The following ARSB variants were observed in gnomAD, a reference collection of about 807,000 sequenced individuals.
The protein encoded by ARSB is N-acetylgalactosamine-4-sulfatase.
Under a neutral mutation model 50.9 loss-of-function variants are expected in ARSB, and 41 were observed. The observed-to-expected ratio is 0.81, with a 90% confidence interval of 0.63 to 1.04. The LOEUF (loss-of-function observed/expected upper bound fraction) is 1.04. Among genes scored for constraint, ARSB ranks in the 50% least tolerant of loss-of-function variants. The probability of loss-of-function intolerance (pLI) is 0.00; values close to 1 mark genes in which losing one functional copy is unlikely to be tolerated. For synonymous variants in ARSB, 269 were observed against 284.8 expected (o/e 0.94, Z 0.56); for missense variants, 672 against 693.3 (o/e 0.97, Z 0.35).
chr5:78,834,621 A>ATATATATG (rs1211135620), intron 6 of ARSB, among the ~76,000 whole-genome samples: 1 of 126,472 alleles, frequency 7.9e-6, no homozygotes, highest in Non-Finnish European at 1.6e-5. Flanking sequence ...ATATATATAT[A>ATATATATG]TATATATATA....
chr5:78,807,235 C>A (rs527723365), intron 6 of ARSB, among the ~76,000 whole-genome samples: 1 of 152,332 alleles, frequency 6.6e-6, no homozygotes, highest in Non-Finnish European at 1.5e-5. Context: ...TTGAGAGAGT[C>A]AATAATCCAG....
intron 1 of ARSB, among the ~76,000 whole-genome samples, chr5:78,983,400 T>C (rs1340275777): frequency 6.6e-6 from 1 of 152,204 alleles, no homozygotes; most frequent in South Asian, 2.1e-4. Context: ...TCCAACTCTG[T>C]TGGAAGGGAG....
intron 4 of ARSB, among the ~76,000 whole-genome samples, chr5:78,908,800 C>T (rs1201491263): frequency 1.3e-5 from 2 of 151,398 alleles, no homozygotes; most frequent in African/African-American, 2.4e-5. Flanking sequence ...CCAGCAAGGC[C>T]CACAGAGGAA....
At chr5:78,913,194 C>A (rs972855935) in intron 4 of ARSB, among the ~76,000 whole-genome samples, 13 of 151,804 alleles carry the variant, frequency 8.6e-5, no homozygotes, top group Admixed American at 5.3e-4. Flanking sequence ...GCGCGATCTC[C>A]GCTCACTGCA....
intron 5 of ARSB, among the ~76,000 whole-genome samples, chr5:78,861,337 G>C (rs1254423910): frequency 1.3e-5 from 2 of 152,120 alleles, no homozygotes; most frequent in Non-Finnish European, 2.9e-5. Context: ...CAATATCCCT[G>C]ATGAACATCG....
At chr5:78,977,402 C>T (rs1752715835) in intron 1 of ARSB, among the ~76,000 whole-genome samples, 1 of 152,176 alleles carries the variant, frequency 6.6e-6, no homozygotes, top group African/African-American at 2.4e-5. Flanking sequence ...GATCCGCCTG[C>T]CTCGGCCTCC....
At chr5:78,831,765 T>C (rs1468316655) in intron 6 of ARSB, among the ~76,000 whole-genome samples, 3 of 152,182 alleles carry the variant, frequency 2.0e-5, no homozygotes, top group Non-Finnish European at 4.4e-5. Context: ...TTCTATGCAA[T>C]GCTGAGCAAT....
chr5:78,831,926 C>T (rs1744712199), intron 6 of ARSB, among the ~76,000 whole-genome samples: 1 of 152,160 alleles, frequency 6.6e-6, no homozygotes, highest in Non-Finnish European at 1.5e-5. Context: ...TATGAAATTA[C>T]TATTGTTCTC....
intron 1 of ARSB, among the ~76,000 whole-genome samples, chr5:78,983,442 T>C (rs533255982): frequency 6.6e-6 from 1 of 152,330 alleles, no homozygotes; most frequent in Admixed American, 6.5e-5. Context: ...CCTTCCATTC[T>C]TTTGCAATCT....
intron 4 of ARSB, among the ~76,000 whole-genome samples, chr5:78,921,877 T>C (rs1013284816): frequency 6.6e-6 from 1 of 152,122 alleles, no homozygotes; most frequent in African/African-American, 2.4e-5. Context: ...AGCAGCTGCG[T>C]GGCACAGAGA....
chr5:78,965,960 G>A (rs1189096675), intron 2 of ARSB, among the ~76,000 whole-genome samples: 2 of 152,158 alleles, frequency 1.3e-5, no homozygotes, highest in Non-Finnish European at 2.9e-5. Context: ...GTTAATTAAT[G>A]TGTAACAGAG....
intron 5 of ARSB, among the ~76,000 whole-genome samples, chr5:78,846,869 C>T (rs1032504935): frequency 1.7e-4 from 26 of 152,020 alleles, no homozygotes; most frequent in Non-Finnish European, 3.1e-4. Context: ...CCATTCAGTG[C>T]GATGTTTGCT....
rs577980886 is a variant in ARSB, at chr5:78,815,668, G to A, written c.1213+23688C>T. On this transcript the variant is annotated intron_variant, in intron 6 of 7. Transcript: ENST00000264914. The stretch of plus-strand genomic sequence containing the variant: ...AGAAAAGTTCCAAACATTATTCACT[G>A]GGATGCTCAAAAGTAAGCTACATGT... The A allele has an allele frequency of 2.9e-5, 29 of 1,011,198 alleles. 1 individual carries two copies. Among genetic ancestry groups the A allele is most frequent in the Admixed American group, 5.2e-5 (1 of 19,234 alleles). The allele number at this position is 1,011,198 out of a possible 1,614,324, so 62.6% of individuals were successfully genotyped here.
intron 6 of ARSB, among the ~76,000 whole-genome samples, chr5:78,821,118 G>C (rs1013657551): frequency 1.3e-5 from 2 of 152,124 alleles, no homozygotes; most frequent in Non-Finnish European, 2.9e-5. Flanking sequence ...AAGGGTCATA[G>C]TGAACTTTGT....
intron 4 of ARSB, among the ~76,000 whole-genome samples, chr5:78,893,518 C>A (rs1299610646): frequency 6.6e-6 from 1 of 152,166 alleles, no homozygotes; most frequent in Non-Finnish European, 1.5e-5. Context: ...TCTCCTTTAA[C>A]ATTTATTAAG....
intron 5 of ARSB, among the ~76,000 whole-genome samples, chr5:78,864,975 G>A: frequency 6.6e-6 from 1 of 152,186 alleles, no homozygotes; most frequent in Middle Eastern, 3.2e-3. Flanking sequence ...GCTTTGCAGG[G>A]TACAACCTCC....
intron 6 of ARSB, among the ~76,000 whole-genome samples, chr5:78,813,377 G>C (rs909081588): frequency 1.3e-5 from 2 of 152,102 alleles, no homozygotes; most frequent in Admixed American, 1.3e-4. Context: ...ATATTTTCAT[G>C]AACAGTTTTT....
intron 6 of ARSB, among the ~76,000 whole-genome samples, chr5:78,784,731 T>C (rs1166676476): frequency 2.0e-5 from 3 of 152,282 alleles, no homozygotes; most frequent in African/African-American, 4.8e-5. Flanking sequence ...ATTCCTGATA[T>C]TGGCAATTCA....
chr5:78,905,099 T>A (rs117812394), intron 4 of ARSB, among the ~76,000 whole-genome samples: 1 of 152,354 alleles, frequency 6.6e-6, no homozygotes, highest in East Asian at 1.9e-4. Context: ...GATATTGTGT[T>A]TTTCAGTTCT....
Sources: allele counts gnomAD v4.1 joint callset (sites outside exome capture counted in the v4.1 genomes callset), GRCh38; gene constraint gnomAD v4.1.1; transcripts MANE v1.5; gene names NCBI Gene and HGNC (gene_info 2026-07-23, HGNC 2026-07-21).